Variants in ILDR2 observed in about 807,000 individuals in gnomAD.
ILDR2 encodes immunoglobulin like domain containing receptor 2.
ILDR2 carries 25 observed loss-of-function variants against 66.8 expected under a neutral mutation model. The observed-to-expected ratio is 0.37, with a 90% CI of 0.27 to 0.52. The LOEUF is 0.52. Ranked by LOEUF, ILDR2 falls within the 20% of genes least tolerant of loss-of-function variation. The probability of loss-of-function intolerance (pLI) is 0.88; values close to 1 mark genes in which losing one functional copy is unlikely to be tolerated. For synonymous variants in ILDR2, 367 were observed against 357.2 expected (o/e 1.03, Z -0.31); for missense variants, 827 against 876.8 (o/e 0.94, Z 0.72).
chr1:166,914,018 GGGA>G lies in ILDR2; in HGVS notation c.*5334_*5336del, dbSNP rs1381644775. 1.3e-5 allele frequency: 2 copies of G among 152,242 alleles called. No individual in the cohort carries two copies. The highest frequency in any genetic ancestry group is 2.9e-5 in the Non-Finnish European group (2 of 68,202). 9.4% of individuals were successfully genotyped at this position (152,242 alleles called of 1,614,324 possible). A position where few individuals can be genotyped will look rare whatever the true frequency, so the allele number is the denominator to read the frequency against. On this transcript the variant is annotated 3_prime_UTR_variant, in exon 10 of 10. Coordinates refer to ENST00000271417, the MANE Select transcript of ILDR2 (RefSeq NM_199351.3). ...TAGTCCTACCTACTTGGGAGGCTGA[GGGA>G]GGAGGATTGCTTGAGCTAGGAGTTT...
intron 2 of ILDR2, among the ~76,000 whole-genome samples, chr1:166,898,506 G>A (rs986275384): frequency 2.6e-5 from 4 of 152,144 alleles, no homozygotes; most frequent in Non-Finnish European, 4.4e-5. Flanking sequence ...AGAATGGCTG[G>A]ATAACCAGGT....
rs577729220 is a variant in ILDR2 at position 166,897,040 on chromosome 1, C to T, written n.172-939G>A. Among the ~76,000 whole-genome samples the T allele has an allele frequency of 2.0e-5, 3 of 152,280 alleles. No homozygotes were observed. The South Asian group carries it at 6.2e-4, about 32-fold the overall frequency. The stretch of plus-strand genomic sequence containing the variant: ...ATTGCTGCTATACGCAATTGGGAAC[C>T]ATTGAGAGTTTTTGTGCAGGACAAG... On this transcript the variant is annotated intron_variant and non_coding_transcript_variant, in intron 2 of 2. Transcript: ENST00000414590.
At chr1:166,900,239 C>T (rs1027479749) in intron 2 of ILDR2, among the ~76,000 whole-genome samples, 1 of 151,818 alleles carries the variant, frequency 6.6e-6, no homozygotes, top group Non-Finnish European at 1.5e-5. Flanking sequence ...CTCCCCCCAC[C>T]CCCATGGCAG....
intron 3 of ILDR2, among the ~76,000 whole-genome samples, chr1:166,950,944 C>T (rs1018679372): frequency 2.0e-5 from 3 of 152,186 alleles, no homozygotes; most frequent in Non-Finnish European, 2.9e-5. Flanking sequence ...TGGGAGCATA[C>T]CTATTTCTGG....
rs1416379592 is a variant in ILDR2, at chr1:166,920,904, C to T, written c.1687G>A (p.Ala563Thr). 6.1e-6 allele frequency: 9 copies of T among 1,477,738 alleles called. No individual in the cohort carries two copies. The highest frequency in any genetic ancestry group is 8.0e-6 in the Non-Finnish European group (9 of 1,119,982). The allele number at this position is 1,477,738 out of a possible 1,614,324, so 91.5% of individuals were successfully genotyped here. Residue 563 changes from alanine to threonine, a missense_variant, in exon 9 of 10, where the codon GCC becomes ACC. By Grantham distance (58) the Ala-to-Thr change is moderately conservative. Around this residue, in one of 2 missense-constraint regions of ILDR2, gnomAD observed 390 missense variants for 353.6 expected, o/e 1.10. Transcript: ENST00000271417. ...KRSAQLGPRS[A>T]SYYAWSPPGT... ...GGCGGCGACCAAGCGTAGTAGGAGG[C>T]GCTGCGCGGGCCGAGCTGCGCGCTC...
chr1:166,975,327 A>C lies in ILDR2; in HGVS notation c.-59T>G. 6.6e-7 allele frequency: 1 copy of C among 1,525,356 alleles called. No individual in the cohort carries two copies. Among genetic ancestry groups the C allele is most frequent in the Non-Finnish European group, 9.0e-7 (1 of 1,110,448 alleles). The allele number at this position is 1,525,356 out of a possible 1,614,324, so 94.5% of individuals were successfully genotyped here. ...GGAAAGTGGGAAATGGCTGGAACAG[A>C]AGGATCGCTGTCACCCCGCGGCAGC... On this transcript the variant is annotated 5_prime_UTR_variant, in exon 1 of 10. Transcript: ENST00000271417.
intron 7 of ILDR2, among the ~76,000 whole-genome samples, chr1:166,925,671 C>T (rs960852831): frequency 5.3e-5 from 8 of 152,162 alleles, no homozygotes; most frequent in Non-Finnish European, 1.2e-4. Context: ...TCACCGCATC[C>T]CTAGGCTTCT....
At chr1:166,974,554 G>A (rs933704744) in intron 1 of ILDR2, among the ~76,000 whole-genome samples, 1 of 152,114 alleles carries the variant, frequency 6.6e-6, no homozygotes, top group African/African-American at 2.4e-5. Flanking sequence ...TTAGGGAGCG[G>A]AGAGTGCACC....
chr1:166,949,394 CA>C (rs1180786224), intron 3 of ILDR2, among the ~76,000 whole-genome samples: 4 of 152,216 alleles, frequency 2.6e-5, no homozygotes, highest in Non-Finnish European at 4.4e-5. Context: ...TTATCTTCAC[CA>C]AAAGACAGTA....
Position 166,909,758 on chromosome 1 carries a change from TAA to T in ILDR2, c.*9595_*9596del, listed in dbSNP as rs1553224637. On this transcript the variant is annotated 3_prime_UTR_variant, in exon 10 of 10. Coordinates refer to ENST00000271417, the MANE Select transcript of ILDR2 (RefSeq NM_199351.3). ...ATACATATATATATATATATATATATAAATATATATAAATATATATATTTATA... is the reference window on the plus strand; with the variant it reads ...ATACATATATATATATATATATATATATATATATAAATATATATATTTATA... 426 of 74,180 alleles carry T rather than the reference TAA, an allele frequency of 5.7e-3. 3 individuals carry two copies. Among genetic ancestry groups the T allele is most frequent in the African/African-American group, 0.017 (244 of 14,640 alleles). The allele number at this position is 74,180 out of a possible 1,614,324, so 4.6% of individuals were successfully genotyped here.
At chr1:166,903,229 A>ATCAC (rs1288740212), downstream of ILDR2, among the ~76,000 whole-genome samples, 1 of 152,206 alleles carries the variant, frequency 6.6e-6, no homozygotes, top group Non-Finnish European at 1.5e-5. Flanking sequence ...TAAAGACTAT[A>ATCAC]TCACTATAAT....
At chr1:166,927,025 C>G in intron 7 of ILDR2, 42 bp downstream of exon 7, 2 of 1,426,566 alleles carry the variant, frequency 1.4e-6, no homozygotes, top group Non-Finnish European at 2.0e-6. Flanking sequence ...CACACTAACT[C>G]CTGCATAATG....
intron 1 of ILDR2, among the ~76,000 whole-genome samples, chr1:166,971,563 C>T (rs1663301009): frequency 6.6e-6 from 1 of 152,182 alleles, no homozygotes; most frequent in Non-Finnish European, 1.5e-5. Flanking sequence ...CTGACTCAAG[C>T]AATCCTCCCA....
At chr1:166,967,555 G>A (rs553500236) in intron 1 of ILDR2, among the ~76,000 whole-genome samples, 16 of 152,204 alleles carry the variant, frequency 1.1e-4, no homozygotes, top group African/African-American at 2.4e-4. Flanking sequence ...CTAGGAGTTC[G>A]ATACCAGCCT....
chr1:166,920,514 G>T, intron 9 of ILDR2, 193 bp downstream of exon 9: 1 of 215,494 alleles, frequency 4.6e-6, no homozygotes, highest in Non-Finnish European at 8.0e-6. Flanking sequence ...ATCTGGCCTT[G>T]GACAGAGTGA....
chr1:166,899,078 GATA>G (rs570878489), intron 2 of ILDR2, among the ~76,000 whole-genome samples: 3 of 151,392 alleles, frequency 2.0e-5, no homozygotes, highest in African/African-American at 7.3e-5. Flanking sequence ...CAATAATTAT[GATA>G]ATAATAAAAA....
At position 166,916,064 on chromosome 1, in the gene ILDR2, G is replaced by A. The variant is rs1335382192; in HGVS notation, c.*3291C>T. On this transcript the variant is annotated 3_prime_UTR_variant, in exon 10 of 10. Coordinates refer to ENST00000271417, the MANE Select transcript of ILDR2 (RefSeq NM_199351.3). ...AATCCATGCATGGCCTAGAGAAGCA[G>A]CTCATCTACCAGGGGACACCTCCCT... 6.6e-6 allele frequency: 1 copy of A among 152,312 alleles called. No individual in the cohort carries two copies. Among genetic ancestry groups the A allele is most frequent in the African/African-American group, 2.4e-5 (1 of 41,404 alleles). 9.4% of individuals were successfully genotyped at this position (152,312 alleles called of 1,614,324 possible). A position where few individuals can be genotyped will look rare whatever the true frequency, so the allele number is the denominator to read the frequency against.
downstream of ILDR2, among the ~76,000 whole-genome samples, chr1:166,904,115 T>C (rs1405867966): frequency 6.6e-6 from 1 of 152,220 alleles, no homozygotes; most frequent in Non-Finnish European, 1.5e-5. Flanking sequence ...TGCCAAACCA[T>C]TGTATAGACA....
chr1:166,919,829 T>C (rs544460073), intron 9 of ILDR2, among the ~76,000 whole-genome samples: 1 of 152,288 alleles, frequency 6.6e-6, no homozygotes, highest in East Asian at 1.9e-4. Flanking sequence ...CTTCTCCCCA[T>C]ACTAAACACT....
Sources: gnomAD v4.1 joint callset for allele counts (sites outside exome capture counted in the v4.1 genomes callset) on GRCh38, gnomAD v4.1.1 for gene constraint, gnomAD v4.1.1 regional missense constraint, MANE v1.5 for transcripts, NCBI Gene and HGNC (gene_info 2026-07-23, HGNC 2026-07-21) for gene names.